The following ATXN7L1 variants were observed in gnomAD, a reference collection of about 807,000 sequenced individuals.
The protein encoded by ATXN7L1 is ataxin-7-like protein 1.
In ATXN7L1, 15 loss-of-function variants were observed where a neutral mutation model predicts 70.8. That is an observed-to-expected ratio of 0.21 (90% CI 0.14 to 0.33). ATXN7L1 has a LOEUF of 0.33. ATXN7L1 is among the 10% of genes least tolerant of loss of function. The probability of loss-of-function intolerance (pLI) is 1.00; values close to 1 mark genes in which losing one functional copy is unlikely to be tolerated. For missense variants in ATXN7L1, 975 were observed against 1,097.1 expected, an observed-to-expected ratio of 0.89 and a Z score of 1.57; for synonymous variants, 440 against 445.1, an observed-to-expected ratio of 0.99 and a Z score of 0.14.
intron 3 of ATXN7L1, among the ~76,000 whole-genome samples, chr7:105,775,091 T>A (rs1230833570): frequency 6.6e-6 from 1 of 152,204 alleles, no homozygotes; most frequent in Non-Finnish European, 1.5e-5. Flanking sequence ...TCATCCTTTA[T>A]GCCCCCCAAT....
chr7:105,641,580 T>C, intron 5 of ATXN7L1, among the ~76,000 whole-genome samples: 1 of 152,264 alleles, frequency 6.6e-6, no homozygotes, highest in Non-Finnish European at 1.5e-5. Context: ...GCTTCTGCTA[T>C]GGCGAGGAGC....
intron 3 of ATXN7L1, among the ~76,000 whole-genome samples, chr7:105,708,379 C>G (rs567083091): frequency 2.0e-5 from 3 of 152,342 alleles, no homozygotes; most frequent in African/African-American, 7.2e-5. Flanking sequence ...TTCCTCTCTT[C>G]CTCAATAAAA....
At chr7:105,820,469 T>C (rs566296766) in intron 2 of ATXN7L1, among the ~76,000 whole-genome samples, 1 of 152,286 alleles carries the variant, frequency 6.6e-6, no homozygotes, top group East Asian at 1.9e-4. Context: ...CACCAGTCCC[T>C]TGATGAGGCT....
At chr7:105,702,676 T>G (rs1356597127) in intron 3 of ATXN7L1, among the ~76,000 whole-genome samples, 1 of 151,960 alleles carries the variant, frequency 6.6e-6, no homozygotes, top group African/African-American at 2.4e-5. Context: ...TAAAAATAAA[T>G]AAGTAAATAA....
At chr7:105,865,598 T>A (rs1340254209) in intron 2 of ATXN7L1, among the ~76,000 whole-genome samples, 1 of 152,136 alleles carries the variant, frequency 6.6e-6, no homozygotes, top group Non-Finnish European at 1.5e-5. Flanking sequence ...AGATGGGGTT[T>A]CACCGTGTTA....
intron 4 of ATXN7L1, among the ~76,000 whole-genome samples, chr7:105,654,579 T>A (rs957354700): frequency 6.6e-6 from 1 of 152,378 alleles, no homozygotes. Flanking sequence ...TCTCAGCCCA[T>A]CGCTTCATCT....
At chr7:105,760,909 G>C (rs1800450941) in intron 3 of ATXN7L1, 1 of 161,432 alleles carries the variant, frequency 6.2e-6, no homozygotes, top group Admixed American at 6.5e-5. Context: ...CAATGAAAGG[G>C]AGCCTGGCAC....
At chr7:105,858,098 G>A (rs968758462) in intron 2 of ATXN7L1, among the ~76,000 whole-genome samples, 2 of 152,086 alleles carry the variant, frequency 1.3e-5, no homozygotes, top group Admixed American at 6.5e-5. Flanking sequence ...TGGTGTGGTA[G>A]TATGTGCCTG....
intron 4 of ATXN7L1, among the ~76,000 whole-genome samples, chr7:105,652,906 C>T (rs1800068375): frequency 6.6e-6 from 1 of 152,234 alleles, no homozygotes; most frequent in East Asian, 1.9e-4. Context: ...GGAGCACCTT[C>T]CCTCCCCCAG....
At chr7:105,750,556 C>G (rs1420622777) in intron 3 of ATXN7L1, among the ~76,000 whole-genome samples, 1 of 151,990 alleles carries the variant, frequency 6.6e-6, no homozygotes, top group Non-Finnish European at 1.5e-5. Context: ...AATCCCAGCA[C>G]TTTGGGAGGC....
At chr7:105,760,358 T>C (rs1196588251) in intron 3 of ATXN7L1, 1 of 918,050 alleles carries the variant, frequency 1.1e-6, no homozygotes, top group African/African-American at 1.8e-5. Flanking sequence ...TTATTTTATA[T>C]ATGAGGAAAC....
chr7:105,786,393 C>A (rs758878780), intron 3 of ATXN7L1, among the ~76,000 whole-genome samples: 2 of 152,184 alleles, frequency 1.3e-5, no homozygotes, highest in African/African-American at 4.8e-5. Flanking sequence ...CAATCTGGGA[C>A]CTTTCCCCTG....
chr7:105,717,007 T>C (rs1183375540), intron 3 of ATXN7L1, among the ~76,000 whole-genome samples: 1 of 152,232 alleles, frequency 6.6e-6, no homozygotes, highest in East Asian at 1.9e-4. Flanking sequence ...ACAGTCACCA[T>C]ACCATTTCAG....
intron 2 of ATXN7L1, among the ~76,000 whole-genome samples, chr7:105,821,269 C>T (rs1468195483): frequency 6.6e-6 from 1 of 152,184 alleles, no homozygotes; most frequent in Non-Finnish European, 1.5e-5. Flanking sequence ...GAACTCCCAA[C>T]CTCAGGTGAT....
At chr7:105,779,362 G>A (rs930135982) in intron 3 of ATXN7L1, among the ~76,000 whole-genome samples, 1 of 152,222 alleles carries the variant, frequency 6.6e-6, no homozygotes, top group African/African-American at 2.4e-5. Context: ...TGCATTAGGG[G>A]AGTGAAAAGT....
At chr7:105,863,999 T>C (rs1324249966) in intron 2 of ATXN7L1, among the ~76,000 whole-genome samples, 2 of 152,176 alleles carry the variant, frequency 1.3e-5, no homozygotes, top group Admixed American at 1.3e-4. Flanking sequence ...AACCTGGATC[T>C]ATAGAATCAG....
intron 2 of ATXN7L1, among the ~76,000 whole-genome samples, chr7:105,805,948 G>T (rs919367971): frequency 6.6e-6 from 1 of 152,156 alleles, no homozygotes; most frequent in Non-Finnish European, 1.5e-5. Flanking sequence ...AGCAGTGATC[G>T]GGTGTTTGTT....
intron 2 of ATXN7L1, among the ~76,000 whole-genome samples, chr7:105,874,123 C>CAAAAAA (rs766696244): frequency 1.4e-5 from 1 of 71,980 alleles, no homozygotes; most frequent in Non-Finnish European, 3.0e-5. Context: ...GAATCCGTAT[C>CAAAAAA]AAAAAAAAAA....
chr7:105,761,192 C>T, intron 3 of ATXN7L1: 1 of 1,399,108 alleles, frequency 7.1e-7, no homozygotes. Flanking sequence ...GTACCCCCTG[C>T]TCTGCTCAAG....
Sources: allele counts gnomAD v4.1 joint callset (sites outside exome capture counted in the v4.1 genomes callset), GRCh38; gene constraint gnomAD v4.1.1; transcripts MANE v1.5; gene names NCBI Gene and HGNC (gene_info 2026-07-23, HGNC 2026-07-21).